The following ARHGEF26 variants were observed in gnomAD, a reference collection of about 807,000 sequenced individuals.
The protein encoded by ARHGEF26 is Rho guanine nucleotide exchange factor 26, also known as Rho guanine nucleotide exchange factor (GEF) 26.
A neutral mutation model predicts 89.4 loss-of-function variants in ARHGEF26; 59 were observed. That is an observed-to-expected ratio of 0.66 (90% CI 0.54 to 0.82). The LOEUF (loss-of-function observed/expected upper bound fraction) is 0.82, where lower values mean the gene tolerates loss of function less well. Ranked by LOEUF, ARHGEF26 falls within the 40% of genes least tolerant of loss-of-function variation. ARHGEF26 has a pLI of 0.00. For missense variants in ARHGEF26, 1,234 were observed against 1,085.6 expected, an observed-to-expected ratio of 1.14 and a Z score of -1.92; for synonymous variants, 500 against 428.4, an observed-to-expected ratio of 1.17 and a Z score of -2.06.
At chr3:154,204,731 A>G (rs574337675) in intron 9 of ARHGEF26, among the ~76,000 whole-genome samples, 4 of 152,126 alleles carry the variant, frequency 2.6e-5, no homozygotes, top group African/African-American at 7.2e-5. Context: ...TTCCATTATC[A>G]TTTGTTTCAA....
At chr3:154,132,589 T>C (rs1041876288) in intron 4 of ARHGEF26, among the ~76,000 whole-genome samples, 6 of 152,192 alleles carry the variant, frequency 3.9e-5, no homozygotes, top group African/African-American at 1.4e-4. Context: ...TCATTAACAA[T>C]GTCAGGATGT....
At chr3:154,152,574 T>C (rs1385902220) in intron 5 of ARHGEF26, among the ~76,000 whole-genome samples, 198 bp from the exon 6 acceptor site, 1 of 152,306 alleles carries the variant, frequency 6.6e-6, no homozygotes, top group Admixed American at 6.5e-5. Flanking sequence ...GTGATTATTT[T>C]TTAAGATTTG....
At chr3:154,251,256 TA>T (rs768885951) in intron 12 of ARHGEF26, among the ~76,000 whole-genome samples, 1 of 152,046 alleles carries the variant, frequency 6.6e-6, no homozygotes, top group African/African-American at 2.4e-5. Flanking sequence ...ATTTTGGTAA[TA>T]TTTTCTTTTC....
At chr3:154,188,026 G>C (rs1351372045) in intron 7 of ARHGEF26, among the ~76,000 whole-genome samples, 189 bp downstream of exon 7, 2 of 152,182 alleles carry the variant, frequency 1.3e-5, no homozygotes, top group African/African-American at 4.8e-5. Flanking sequence ...CTAGTGTGTA[G>C]AGAATTTTCT....
At chr3:154,219,939 A>C (rs2596627) in intron 10 of ARHGEF26, among the ~76,000 whole-genome samples, 2 of 151,400 alleles carry the variant, frequency 1.3e-5, no homozygotes, top group African/African-American at 2.4e-5. Context: ...CAAAAAACAA[A>C]CAAAAAAGTA....
chr3:154,200,807 A>C (rs967410197), intron 9 of ARHGEF26, among the ~76,000 whole-genome samples: 1 of 151,276 alleles, frequency 6.6e-6, no homozygotes, highest in Non-Finnish European at 1.5e-5. Context: ...GAGATCTTTC[A>C]CTTCTTTGGT....
intron 6 of ARHGEF26, among the ~76,000 whole-genome samples, chr3:154,181,259 T>C (rs1468263069): frequency 1.3e-5 from 2 of 152,196 alleles, no homozygotes; most frequent in Admixed American, 6.5e-5. Context: ...CTGCCACTTA[T>C]CTGGAATATT....
intron 9 of ARHGEF26, among the ~76,000 whole-genome samples, chr3:154,208,763 ATTT>A (rs35181733): frequency 9.3e-6 from 1 of 107,356 alleles, no homozygotes; most frequent in Non-Finnish European, 1.8e-5. Flanking sequence ...TGCCAATTGC[ATTT>A]TTTTTTTTTT....
At chr3:154,234,963 C>T (rs181338538) in intron 11 of ARHGEF26, among the ~76,000 whole-genome samples, 338 of 152,138 alleles carry the variant, frequency 2.2e-3, no homozygotes, top group African/African-American at 7.3e-3. Flanking sequence ...GGGGTTTCAC[C>T]GTGTTATCCA....
At position 154,255,421 on chromosome 3, in the gene ARHGEF26, A is replaced by G. The variant is rs1004389688; in HGVS notation, c.2564A>G (p.Asp855Gly). The change falls in exon 15 of 15, where the codon GAT becomes GGT. Residue 855 changes from aspartate (D) to glycine (G), a missense_variant. Asp to Gly is a moderately conservative substitution (Grantham distance 94, BLOSUM62 -1). Coordinates refer to ENST00000465093, the MANE Select transcript of ARHGEF26 (RefSeq NM_015595.4). ...AKEITCQATI[D>G]KNVERMGRLL... is the part of the protein sequence containing the mutation. ...GAGATAACATGTCAAGCTACAATTGATAAGAATGTGGAGAGAATGGGACGC... is the reference window on the plus strand; with the variant it reads ...GAGATAACATGTCAAGCTACAATTGGTAAGAATGTGGAGAGAATGGGACGC... 23 of 1,613,800 alleles carry G rather than the reference A, an allele frequency of 1.4e-5. No individual in the cohort carries two copies. The highest frequency in any genetic ancestry group is 3.3e-4 in the Middle Eastern group (2 of 6,062).
chr3:154,178,819 G>A (rs897422028), intron 6 of ARHGEF26, among the ~76,000 whole-genome samples: 2 of 152,140 alleles, frequency 1.3e-5, no homozygotes, highest in South Asian at 4.1e-4. Flanking sequence ...AAGTGGATAT[G>A]TGTAGACTTG....
chr3:154,185,054 A>C (rs1426734016), intron 6 of ARHGEF26, among the ~76,000 whole-genome samples: 1 of 151,952 alleles, frequency 6.6e-6, no homozygotes. Context: ...TCCAGCTTAC[A>C]CGTGTCCTTA....
chr3:154,212,769 G>A (rs921518875), intron 9 of ARHGEF26, among the ~76,000 whole-genome samples: 1 of 152,100 alleles, frequency 6.6e-6, no homozygotes, highest in Non-Finnish European at 1.5e-5. Flanking sequence ...GATCTGACAG[G>A]AGGAGGAGGC....
intron 6 of ARHGEF26, among the ~76,000 whole-genome samples, chr3:154,177,745 T>A (rs952479777): frequency 6.6e-6 from 1 of 152,146 alleles, no homozygotes; most frequent in African/African-American, 2.4e-5. Context: ...TCTTTTATTG[T>A]GGAAGTCTTG....
chr3:154,149,502 C>CT, intron 5 of ARHGEF26, 57 bp downstream of exon 5: 2 of 1,464,062 alleles, frequency 1.4e-6, no homozygotes, highest in South Asian at 1.4e-5. Context: ...TCGGTGTCTG[C>CT]TTTTTTGTGT....
Position 154,255,992 on chromosome 3 carries a change from AG to A in ARHGEF26, c.*520del. On this transcript the variant is annotated 3_prime_UTR_variant, in exon 15 of 15. Coordinates refer to ENST00000465093, the MANE Select transcript of ARHGEF26 (RefSeq NM_015595.4). ...ACTTCAAAAGGAACTGGTAGAGTTC[AG>A]AAGGTGAGCTGTTGTTTTTCTAAAC... The A allele has an allele frequency of 1.0e-6, 1 of 985,898 alleles. No homozygotes were observed. Among genetic ancestry groups the A allele is most frequent in the Non-Finnish European group, 1.2e-6 (1 of 830,016 alleles). The allele number at this position is 985,898 out of a possible 1,614,324, so 61.1% of individuals were successfully genotyped here.
At position 154,255,442 on chromosome 3, in the gene ARHGEF26, G is replaced by A; in HGVS notation, c.2585G>A (p.Gly862Glu). The A allele has an allele frequency of 1.2e-5, 20 of 1,613,852 alleles. No homozygotes were observed. Among genetic ancestry groups the A allele is most frequent in the Non-Finnish European group, 1.7e-5 (20 of 1,179,822 alleles). Residue 862 changes from glycine (G) to glutamate (E), a missense_variant, in exon 15 of 15, where the codon GGA becomes GAA. Physicochemically the swap from Gly to Glu is moderately conservative, Grantham distance 98. Coordinates refer to ENST00000465093, the MANE Select transcript of ARHGEF26 (RefSeq NM_015595.4). ...ATTGATAAGAATGTGGAGAGAATGG[G>A]ACGCTTGCTAGGACTGGAGACCAAC... ...ATIDKNVERM[G>E]RLLGLETNV
intron 6 of ARHGEF26, among the ~76,000 whole-genome samples, chr3:154,176,543 G>A (rs894702396): frequency 1.3e-5 from 2 of 152,128 alleles, no homozygotes; most frequent in African/African-American, 4.8e-5. Flanking sequence ...AGGAGAGTTC[G>A]CAATGACGCT....
intron 4 of ARHGEF26, among the ~76,000 whole-genome samples, chr3:154,144,797 G>T (rs1465223316): frequency 6.6e-6 from 1 of 152,122 alleles, no homozygotes; most frequent in Admixed American, 6.6e-5. Flanking sequence ...CTTTTTTGAG[G>T]ATTATAGAAT....
Sources: allele counts gnomAD v4.1 joint callset (sites outside exome capture counted in the v4.1 genomes callset), GRCh38; gene constraint gnomAD v4.1.1; transcripts MANE v1.5; gene names NCBI Gene and HGNC (gene_info 2026-07-23, HGNC 2026-07-21).